The following SH3BP2 variants were observed in gnomAD, a reference collection of about 807,000 sequenced individuals.
SH3BP2 encodes the protein SH3 domain-binding protein 2.
In SH3BP2, 38 loss-of-function variants were observed where a neutral mutation model predicts 56.2. That is an observed-to-expected ratio of 0.68 (90% CI 0.52 to 0.89). SH3BP2 has a LOEUF of 0.89. Ranked by LOEUF, SH3BP2 falls within the 40% of genes least tolerant of loss-of-function variation. The pLI is 0.00. For missense variants in SH3BP2, 748 were observed against 762.6 expected (o/e 0.98, Z 0.23); for synonymous variants, 346 against 316.7 (o/e 1.09, Z -0.98).
chr4:2,808,526 C>T (rs1213591653), intron 1 of SH3BP2, among the ~76,000 whole-genome samples: 1 of 152,112 alleles, frequency 6.6e-6, no homozygotes, highest in African/African-American at 2.4e-5. Context: ...GGTTCCCTCT[C>T]CCTCTATCCC....
chr4:2,795,825 G>T (rs139218962), intron 1 of SH3BP2, among the ~76,000 whole-genome samples: 2 of 152,166 alleles, frequency 1.3e-5, no homozygotes, highest in Non-Finnish European at 2.9e-5. Context: ...AGAAGGGGCC[G>T]TGCAGACCCT....
At chr4:2,796,110 C>T (rs957225885) in intron 1 of SH3BP2, among the ~76,000 whole-genome samples, 1 of 152,150 alleles carries the variant, frequency 6.6e-6, no homozygotes, top group Non-Finnish European at 1.5e-5. Context: ...GAGACCTGAG[C>T]CTTGTAGGCG....
At chr4:2,815,736 CT>C (rs1723965440) in intron 1 of SH3BP2, among the ~76,000 whole-genome samples, 1 of 152,240 alleles carries the variant, frequency 6.6e-6, no homozygotes, top group Admixed American at 6.5e-5. Flanking sequence ...TTCCAGGCAA[CT>C]TGCAGTCCCT....
At chr4:2,796,479 T>A (rs2108693801) in intron 1 of SH3BP2, 1 of 984,694 alleles carries the variant, frequency 1.0e-6, no homozygotes, top group Non-Finnish European at 1.2e-6. Flanking sequence ...CTGAGGTGAC[T>A]GGCCCTTTCT....
In SH3BP2 at chr4:2,831,979, G is replaced by C. The variant is rs148376879; in HGVS notation, c.1406+1G>C. 6.2e-7 allele frequency: 1 copy of C among 1,612,950 alleles called. No homozygotes were observed. The highest frequency in any genetic ancestry group is 8.5e-7 in the Non-Finnish European group (1 of 1,179,996). On this transcript the variant is annotated splice_donor_variant, in intron 10 of 12. Transcript: ENST00000503393. LOFTEE classifies it high-confidence loss of function. The surrounding 1 kb of genome is among the most constrained non-coding windows in gnomAD (Gnocchi z 4.1). ...CCACGGAGTCCTGCGAAGTGGAAAG[G>C]TCAGCACAAAGCCCTGTGTGTGCTG...
Position 2,835,647 on chromosome 4 carries a change from TGTA to T in SH3BP2, c.*1816_*1818del, listed in dbSNP as rs1483721825. Reference sequence around the variant, plus strand: ...TTATTTTAGTTTTTTGTTTTTGAGATGTAGTCTCACCCTGTCGCCCAGGCTGGA... The same window carrying T: ...TTATTTTAGTTTTTTGTTTTTGAGATGTCTCACCCTGTCGCCCAGGCTGGA... On this transcript the variant is annotated 3_prime_UTR_variant, in exon 13 of 13. Coordinates refer to ENST00000503393, the MANE Select transcript of SH3BP2 (RefSeq NM_001122681.2). 6.6e-6 allele frequency: 1 copy of T among 152,214 alleles called. No homozygotes were observed. Among genetic ancestry groups the T allele is most frequent in the Non-Finnish European group, 1.5e-5 (1 of 68,054 alleles). The allele number at this position is 152,214 out of a possible 1,614,324, so 9.4% of individuals were successfully genotyped here.
chr4:2,809,581 A>T (rs1723662815), intron 1 of SH3BP2, among the ~76,000 whole-genome samples: 1 of 152,178 alleles, frequency 6.6e-6, no homozygotes, highest in Non-Finnish European at 1.5e-5. Context: ...AACCCCAGAG[A>T]TGCAGATGGC....
Position 2,831,202 on chromosome 4 carries a change from G to T in SH3BP2, c.1242-369G>T, listed in dbSNP as rs928586463. On this transcript the variant is annotated intron_variant, in intron 8 of 12. Coordinates refer to ENST00000503393, the MANE Select transcript of SH3BP2 (RefSeq NM_001122681.2). The surrounding 1 kb of genome is among the most constrained non-coding windows in gnomAD (Gnocchi z 4.1). ...GGGGTCACACTGCATTGTTCATCCA[G>T]TTCACGTCCACTCCCCTGTGGCTCT... is the stretch of plus-strand genomic sequence containing the variant. 6.6e-6 allele frequency among the ~76,000 whole-genome samples: 1 copy of T among 152,204 alleles called. No homozygotes were observed. Among genetic ancestry groups the T allele is most frequent in the African/African-American group, 2.4e-5 (1 of 41,448 alleles).
At position 2,834,068 on chromosome 4, in the gene SH3BP2, C is replaced by T. The variant is rs940876935; in HGVS notation, c.*234C>T. 92 of 564,142 alleles carry T rather than the reference C, an allele frequency of 1.6e-4. No homozygotes were observed. The highest frequency in any genetic ancestry group is 2.6e-4 in the Non-Finnish European group (81 of 316,864). 34.9% of individuals were successfully genotyped at this position (564,142 alleles called of 1,614,324 possible). On this transcript the variant is annotated 3_prime_UTR_variant, in exon 13 of 13. Coordinates refer to ENST00000503393, the MANE Select transcript of SH3BP2 (RefSeq NM_001122681.2). ...AAGGGACTCTGTTGCCCCACACTAACTTGCCCTGTCCCAATCCCAGAAACC... is the reference window on the plus strand; with the variant it reads ...AAGGGACTCTGTTGCCCCACACTAATTTGCCCTGTCCCAATCCCAGAAACC...
chr4:2,809,735 G>C, intron 1 of SH3BP2: 3 of 966,638 alleles, frequency 3.1e-6, no homozygotes, highest in Non-Finnish European at 3.7e-6. Context: ...GCGGGCTGAA[G>C]GCTCCCAGAA....
chr4:2,813,290 G>A (rs1443338149), intron 1 of SH3BP2, among the ~76,000 whole-genome samples: 1 of 152,262 alleles, frequency 6.6e-6, no homozygotes, highest in Non-Finnish European at 1.5e-5. Flanking sequence ...TGGGCCGGGG[G>A]TGGTGCGTGA....
At chr4:2,797,058 C>T (rs1456829829) in intron 1 of SH3BP2, among the ~76,000 whole-genome samples, 1 of 152,196 alleles carries the variant, frequency 6.6e-6, no homozygotes, top group Non-Finnish European at 1.5e-5. Flanking sequence ...TGTGAATGGG[C>T]AGCTCCGTTT....
intron 5 of SH3BP2, chr4:2,826,845 G>A (rs367767521): frequency 4.4e-6 from 2 of 452,116 alleles, no homozygotes; most frequent in African/African-American, 2.0e-5. Flanking sequence ...TTCCATGTCT[G>A]TGTGACAGAG....
chr4:2,825,598 A>T (rs1724572481), intron 5 of SH3BP2, among the ~76,000 whole-genome samples: 1 of 152,198 alleles, frequency 6.6e-6, no homozygotes, highest in Non-Finnish European at 1.5e-5. Context: ...AGACATGCAC[A>T]CACACACAGA....
At chr4:2,813,151 C>T (rs568347627) in intron 1 of SH3BP2, among the ~76,000 whole-genome samples, 8 of 152,140 alleles carry the variant, frequency 5.3e-5, no homozygotes, top group Non-Finnish European at 1.0e-4. Context: ...CAAGGGAAAC[C>T]GAAAAGGAAG....
rs1724891880 is a variant in SH3BP2, at chr4:2,829,983, C to T, written c.1077C>T (p.Phe359=). The change falls in exon 8 of 13, where the codon TTC becomes TTT. Residue 359 remains phenylalanine (F), a synonymous_variant. Coordinates refer to ENST00000503393, the MANE Select transcript of SH3BP2 (RefSeq NM_001122681.2). The surrounding 1 kb of genome is among the most constrained non-coding windows in gnomAD (Gnocchi z 4.9). ...PPPVPANKPK[F]LKIAEEDPPR... is the part of the protein sequence containing the mutation. The stretch of plus-strand genomic sequence containing the variant: ...CTGTGCCAGCCAACAAGCCCAAGTT[C>T]CTGAAGATAGCTGAAGAGGACCCCC... 1.2e-6 allele frequency: 2 copies of T among 1,613,382 alleles called. No homozygotes were observed. Among genetic ancestry groups the T allele is most frequent in the Middle Eastern group, 1.6e-4 (1 of 6,062 alleles).
At chr4:2,801,979 A>G (rs773894209) in intron 1 of SH3BP2, among the ~76,000 whole-genome samples, 23 of 151,976 alleles carry the variant, frequency 1.5e-4, no homozygotes, top group Non-Finnish European at 1.2e-4. Flanking sequence ...ATGTTGGCGC[A>G]TGCTTGTAAT....
intron 1 of SH3BP2, chr4:2,798,670 G>C (rs1018594248): frequency 6.6e-6 from 1 of 152,486 alleles, no homozygotes; most frequent in African/African-American, 2.4e-5. Flanking sequence ...TGGCCTGGCA[G>C]GCAGATCAGT....
chr4:2,809,587 A>T (rs1212844340), intron 1 of SH3BP2, among the ~76,000 whole-genome samples: 1 of 152,190 alleles, frequency 6.6e-6, no homozygotes, highest in Admixed American at 6.5e-5. Context: ...AGAGATGCAG[A>T]TGGCAACAGG....
Sources: gnomAD v4.1 joint callset for allele counts (sites outside exome capture counted in the v4.1 genomes callset) on GRCh38, gnomAD v4.1.1 for gene constraint, Gnocchi (gnomAD v3.1) non-coding constraint, MANE v1.5 for transcripts, NCBI Gene and HGNC (gene_info 2026-07-23, HGNC 2026-07-21) for gene names.